The following C12orf54 variants were observed in gnomAD, a reference collection of about 807,000 sequenced individuals.
C12orf54 encodes the protein uncharacterized protein C12orf54.
Under a neutral mutation model 26.4 loss-of-function variants are expected in C12orf54, and 24 were observed. The ratio of observed to expected loss-of-function variants is 0.91; its 90% CI spans 0.66 to 1.28. The LOEUF is 1.28. Among genes scored for constraint, C12orf54 ranks in the 50% most tolerant of loss-of-function variants. The pLI, the probability that C12orf54 is intolerant of heterozygous loss-of-function variation, is 0.00. For synonymous variants in C12orf54, 54 were observed against 47.0 expected, an observed-to-expected ratio of 1.15 and a Z score of -0.61; for missense variants, 154 against 150.9, an observed-to-expected ratio of 1.02 and a Z score of -0.11.
the C12orf54 span, among the ~76,000 whole-genome samples, chr12:48,437,570 A>G: frequency 1.3e-5 from 2 of 152,242 alleles, no homozygotes; most frequent in Non-Finnish European, 2.9e-5. Flanking sequence ...AGTGGGCTTC[A>G]TGCCTCGGAT....
At chr12:48,450,796 A>G in the C12orf54 span, among the ~76,000 whole-genome samples, 5 of 152,296 alleles carry the variant, frequency 3.3e-5, no homozygotes, top group Non-Finnish European at 7.4e-5. Flanking sequence ...GAATCCTGGA[A>G]CAGACCAATA....
the C12orf54 span, among the ~76,000 whole-genome samples, chr12:48,461,702 AT>A: frequency 6.6e-6 from 1 of 151,858 alleles, no homozygotes. Context: ...TGGAAACAAT[AT>A]TTTGAAACTT....
the C12orf54 span, among the ~76,000 whole-genome samples, chr12:48,428,358 CA>C: frequency 1.3e-5 from 2 of 150,822 alleles, no homozygotes; most frequent in Non-Finnish European, 3.0e-5. Flanking sequence ...AAAAAAAATA[CA>C]AAAGATAAAT....
rs554078127 is a variant in C12orf54, at chr12:48,488,812, T to C, written c.136-112T>C. The C allele has an allele frequency of 6.9e-6, 6 of 870,196 alleles. No homozygotes were observed. In the African/African-American group the frequency reaches 1.0e-4, roughly 15 times the overall value. The allele number at this position is 870,196 out of a possible 1,614,324, so 53.9% of individuals were successfully genotyped here. ...AGCCACAGTCTCTTGGCATTCACAT[T>C]CTACAGCCTAGTGGCTAGGAGACTA... On this transcript the variant is annotated intron_variant, in intron 4 of 8. Transcript: ENST00000548364.
At chr12:48,435,046 C>A in the C12orf54 span, among the ~76,000 whole-genome samples, 1 of 152,040 alleles carries the variant, frequency 6.6e-6, no homozygotes. Flanking sequence ...CTAGAATAAC[C>A]AATGCAGAGA....
chr12:48,434,370 T>A, the C12orf54 span, among the ~76,000 whole-genome samples: 1 of 152,272 alleles, frequency 6.6e-6, no homozygotes, highest in Non-Finnish European at 1.5e-5. Flanking sequence ...AGCAATAACC[T>A]CTGCAGACTT....
At chr12:48,454,332 G>T in the C12orf54 span, among the ~76,000 whole-genome samples, 169 of 151,918 alleles carry the variant, frequency 1.1e-3, no homozygotes, top group African/African-American at 3.6e-3. Context: ...ATCTCCTGAC[G>T]TCGTGATCTG....
At chr12:48,456,172 A>G in the C12orf54 span, among the ~76,000 whole-genome samples, 1 of 152,178 alleles carries the variant, frequency 6.6e-6, no homozygotes, top group African/African-American at 2.4e-5. Flanking sequence ...GCCAACAACA[A>G]TTGTTTTCCA....
the C12orf54 span, among the ~76,000 whole-genome samples, chr12:48,451,440 A>C: frequency 2.0e-5 from 3 of 152,202 alleles, no homozygotes; most frequent in East Asian, 5.8e-4. Context: ...ACAAGACAAA[A>C]TTGCCCTCCC....
At chr12:48,428,647 T>C in the C12orf54 span, among the ~76,000 whole-genome samples, 1 of 151,922 alleles carries the variant, frequency 6.6e-6, no homozygotes, top group Non-Finnish European at 1.5e-5. Context: ...AACAGACCAA[T>C]AACAAGCAGT....
At chr12:48,441,963 C>T in the C12orf54 span, 1 of 152,152 alleles carries the variant, frequency 6.6e-6, no homozygotes, top group Non-Finnish European at 1.5e-5. Flanking sequence ...TCCTAGTGTC[C>T]ATGCACTGCT....
the C12orf54 span, among the ~76,000 whole-genome samples, chr12:48,432,828 C>T: frequency 6.7e-6 from 1 of 149,912 alleles, no homozygotes; most frequent in Admixed American, 6.7e-5. Context: ...CAGATCACAC[C>T]ATTGCACTGC....
the C12orf54 span, among the ~76,000 whole-genome samples, chr12:48,465,173 C>A: frequency 2.0e-5 from 3 of 152,048 alleles, no homozygotes; most frequent in Non-Finnish European, 4.4e-5. Context: ...ATGCATCTGA[C>A]AAACGTCTAA....
In C12orf54 at chr12:48,483,375, T is replaced by C. The variant is rs545949468; in HGVS notation, c.65+14T>C. The C allele has an allele frequency of 1.2e-4, 198 of 1,612,068 alleles. 5 individuals carry two copies. In the Middle Eastern group the frequency reaches 1.8e-3, roughly 15 times the overall value. ...GCAGCAGAGAAGGTAATGGGGCTAA[T>C]GATGACCCTCAAACATCCTTAGATT... On this transcript the variant is annotated intron_variant, in intron 2 of 8. Coordinates refer to ENST00000548364, the MANE Select transcript of C12orf54 (RefSeq NM_152319.4).
At chr12:48,443,354 G>T in the C12orf54 span, among the ~76,000 whole-genome samples, 1 of 152,192 alleles carries the variant, frequency 6.6e-6, no homozygotes, top group African/African-American at 2.4e-5. Context: ...CATGGCTTTA[G>T]GTGGGAGCAT....
chr12:48,413,501 T>C, the C12orf54 span, among the ~76,000 whole-genome samples: 1 of 152,220 alleles, frequency 6.6e-6, no homozygotes, highest in Non-Finnish European at 1.5e-5. Context: ...GAAATGTCCC[T>C]GGTAGAGAAG....
At chr12:48,431,317 T>C in the C12orf54 span, among the ~76,000 whole-genome samples, 3 of 152,188 alleles carry the variant, frequency 2.0e-5, no homozygotes, top group East Asian at 5.8e-4. Flanking sequence ...AAAAAGAATG[T>C]ATATTAAAAT....
the C12orf54 span, among the ~76,000 whole-genome samples, chr12:48,431,185 G>A: frequency 7.2e-5 from 11 of 152,072 alleles, no homozygotes; most frequent in East Asian, 2.1e-3. Context: ...CTACAAATAG[G>A]GTGCAATGTG....
At chr12:48,455,054 T>C in the C12orf54 span, among the ~76,000 whole-genome samples, 1 of 152,198 alleles carries the variant, frequency 6.6e-6, no homozygotes, top group African/African-American at 2.4e-5. Flanking sequence ...GATTTCATCA[T>C]CCAGGTAGTG....
Sources: allele counts gnomAD v4.1 joint callset (sites outside exome capture counted in the v4.1 genomes callset), GRCh38; gene constraint gnomAD v4.1.1; transcripts MANE v1.5; gene names NCBI Gene and HGNC (gene_info 2026-07-23, HGNC 2026-07-21).